ZNF609: variants seen among roughly 807,000 people sequenced by gnomAD.
ZNF609 encodes the protein zinc finger protein 609.
A neutral mutation model predicts 109.5 loss-of-function variants in ZNF609; 11 were observed. That is an observed-to-expected ratio of 0.10 (90% CI 0.06 to 0.17). ZNF609 has a LOEUF of 0.17. Among genes scored for constraint, ZNF609 ranks in the 10% least tolerant of loss-of-function variants. ZNF609 has a pLI of 1.00. For missense variants in ZNF609, 1,559 were observed against 1,772.4 expected, an observed-to-expected ratio of 0.88 and a Z score of 2.16; for synonymous variants, 646 against 662.0, an observed-to-expected ratio of 0.98 and a Z score of 0.37.
At chr15:64,609,482 T>C (rs1895680172) in intron 2 of ZNF609, among the ~76,000 whole-genome samples, 1 of 149,904 alleles carries the variant, frequency 6.7e-6, no homozygotes, top group African/African-American at 2.5e-5. Context: ...CGCCCGGCCG[T>C]ATTTTTTTAT....
chr15:64,679,122 G>T (rs556578890), intron 6 of ZNF609, among the ~76,000 whole-genome samples: 1 of 152,338 alleles, frequency 6.6e-6, no homozygotes, highest in African/African-American at 2.4e-5. Flanking sequence ...GCACAGGCTA[G>T]AGTGCAGTGG....
intron 2 of ZNF609, among the ~76,000 whole-genome samples, chr15:64,604,175 A>G (rs1895557015): frequency 6.6e-6 from 1 of 152,150 alleles, no homozygotes; most frequent in Non-Finnish European, 1.5e-5. Context: ...ATCATATTAT[A>G]TTTCTAACTT....
chr15:64,598,770 A>G (rs992865499), intron 2 of ZNF609, among the ~76,000 whole-genome samples: 21 of 127,552 alleles, frequency 1.6e-4, no homozygotes, highest in South Asian at 2.7e-4. Flanking sequence ...ATATATATAT[A>G]TATATATATA....
rs1465314445 is a variant in ZNF609, at chr15:64,558,753, A to G, written c.747+58587A>G. On this transcript the variant is annotated intron_variant, in intron 2 of 9. Coordinates refer to ENST00000326648, the MANE Select transcript of ZNF609 (RefSeq NM_015042.2). Reference sequence around the variant, plus strand: ...AATATTTGTTGTCTAGCACATACATACAGTTCAAACAGAAAACTAAAATAG... The same window carrying G: ...AATATTTGTTGTCTAGCACATACATGCAGTTCAAACAGAAAACTAAAATAG... Among the ~76,000 whole-genome samples, 5 of 152,372 alleles carry G rather than the reference A, an allele frequency of 3.3e-5. No homozygotes were observed. The East Asian group carries it at 7.7e-4, about 23-fold the overall frequency.
chr15:64,576,234 A>T (rs143729637), intron 2 of ZNF609, among the ~76,000 whole-genome samples: 2 of 152,202 alleles, frequency 1.3e-5, no homozygotes, highest in African/African-American at 4.8e-5. Context: ...TACTTAGTTT[A>T]TATTATAACT....
At chr15:64,526,956 T>C (rs1043306406) in intron 2 of ZNF609, among the ~76,000 whole-genome samples, 9 of 151,982 alleles carry the variant, frequency 5.9e-5, no homozygotes, top group African/African-American at 2.2e-4. Flanking sequence ...CAGCCCAATA[T>C]GAGATTTTGA....
chr15:64,460,558 C>T (rs947191237), upstream of ZNF609, among the ~76,000 whole-genome samples: 1 of 152,086 alleles, frequency 6.6e-6, no homozygotes, highest in Non-Finnish European at 1.5e-5. Context: ...GTCCAGTGTC[C>T]GCGTCTTCCG....
chr15:64,573,078 AG>A (rs1894884247), intron 2 of ZNF609, among the ~76,000 whole-genome samples: 1 of 152,230 alleles, frequency 6.6e-6, no homozygotes, highest in African/African-American at 2.4e-5. Context: ...ATGCATTCAT[AG>A]TACCTAGAAC....
chr15:64,510,195 AT>A (rs143141691), intron 2 of ZNF609, among the ~76,000 whole-genome samples: 4 of 129,038 alleles, frequency 3.1e-5, no homozygotes, highest in African/African-American at 1.0e-4. Context: ...CATTGTTATA[AT>A]TTTTTTTTCT....
chr15:64,667,712 C>CAA lies in ZNF609; in HGVS notation c.974-2625_974-2624dup, dbSNP rs5813318. 2.0e-4 allele frequency among the ~76,000 whole-genome samples: 29 copies of CAA among 145,892 alleles called. No individual in the cohort carries two copies. In the East Asian group the frequency reaches 3.1e-3, roughly 16 times the overall value. ...GGGCAACAAGAGTGAAACTCTGTCT[C>CAA]AAAAAAAAAAGAAAAAGAAAAAGAA... On this transcript the variant is annotated intron_variant, in intron 3 of 9. Transcript: ENST00000326648.
chr15:64,648,184 C>T (rs982947315), intron 3 of ZNF609, among the ~76,000 whole-genome samples: 1 of 152,026 alleles, frequency 6.6e-6, no homozygotes, highest in Non-Finnish European at 1.5e-5. Context: ...TGTGAGGCAG[C>T]GTAGTTAAAA....
chr15:64,584,698 G>A (rs1213106378), intron 2 of ZNF609, among the ~76,000 whole-genome samples: 1 of 151,832 alleles, frequency 6.6e-6, no homozygotes, highest in East Asian at 2.0e-4. Context: ...GTGCAAGCTC[G>A]GCTCACTGCA....
intron 2 of ZNF609, among the ~76,000 whole-genome samples, chr15:64,538,851 A>AT (rs1266393414): frequency 6.6e-6 from 1 of 151,618 alleles, no homozygotes; most frequent in Non-Finnish European, 1.5e-5. Flanking sequence ...GACTGGTTTT[A>AT]TTTTTTATAG....
In ZNF609 at chr15:64,577,211, A is replaced by G. The variant is rs1402236439; in HGVS notation, c.748-45616A>G. 4.9e-5 allele frequency among the ~76,000 whole-genome samples: 4 copies of G among 81,056 alleles called. 1 individual carries two copies. The highest frequency in any genetic ancestry group is 3.2e-4 in the South Asian group (1 of 3,112). The allele number at this position is 81,056 out of a possible 152,430, so 53.2% of individuals were successfully genotyped here. A position where few individuals can be genotyped will look rare whatever the true frequency, so the allele number is the denominator to read the frequency against. ...TATATATACACACAAATACATATAT[A>G]TGTATATATATACACACAAATACAT... On this transcript the variant is annotated intron_variant, in intron 2 of 9. Transcript: ENST00000326648.
chr15:64,673,655 T>C (rs1216077839), intron 4 of ZNF609, among the ~76,000 whole-genome samples: 1 of 152,218 alleles, frequency 6.6e-6, no homozygotes, highest in Non-Finnish European at 1.5e-5. Flanking sequence ...ACTATGGCTG[T>C]ATATAGGAAA....
intron 2 of ZNF609, among the ~76,000 whole-genome samples, chr15:64,592,690 G>T (rs964734302): frequency 1.3e-5 from 2 of 151,528 alleles, no homozygotes; most frequent in Non-Finnish European, 2.9e-5. Context: ...GCCAAAGCAG[G>T]CAGATCACCT....
chr15:64,541,426 CA>C (rs34461479), intron 2 of ZNF609, among the ~76,000 whole-genome samples: 9,522 of 67,844 alleles, frequency 0.14, 188 homozygotes, highest in African/African-American at 0.2. Context: ...GACTCCGTCT[CA>C]AAAAAAAAAA....
intron 1 of ZNF609, among the ~76,000 whole-genome samples, chr15:64,486,251 C>T (rs564514160): frequency 1.3e-5 from 2 of 152,190 alleles, no homozygotes. Context: ...CGGCCAGGCA[C>T]GTTGTCTCAC....
upstream of ZNF609, among the ~76,000 whole-genome samples, chr15:64,459,815 G>C (rs1892911804): frequency 6.6e-6 from 1 of 152,124 alleles, no homozygotes; most frequent in Admixed American, 6.5e-5. Context: ...CTTAAACATG[G>C]ACTGAATGCC....
Sources: gnomAD v4.1 joint callset for allele counts (sites outside exome capture counted in the v4.1 genomes callset) on GRCh38, gnomAD v4.1.1 for gene constraint, MANE v1.5 for transcripts, NCBI Gene and HGNC (gene_info 2026-07-23, HGNC 2026-07-21) for gene names.